Variants in ERBB4 observed in about 807,000 individuals in gnomAD.
ERBB4 encodes erb-b2 receptor tyrosine kinase 4, also known as receptor tyrosine-protein kinase erbB-4.
Under a neutral mutation model 158.0 loss-of-function variants are expected in ERBB4, and 42 were observed. The ratio of observed to expected loss-of-function variants is 0.27; its 90% CI spans 0.21 to 0.34. The LOEUF (loss-of-function observed/expected upper bound fraction) is 0.34. ERBB4 is among the 10% of genes least tolerant of loss of function. The pLI, the probability that ERBB4 is intolerant of heterozygous loss-of-function variation, is 1.00. For missense variants in ERBB4, 1,333 were observed against 1,624.1 expected, an observed-to-expected ratio of 0.82 and a Z score of 3.08; for synonymous variants, 583 against 558.7, an observed-to-expected ratio of 1.04 and a Z score of -0.61.
chr2:212,099,736 G>GTTTTTTTTTTTTTTTTTTT (rs3037296), intron 2 of ERBB4, among the ~76,000 whole-genome samples: 1 of 144,600 alleles, frequency 6.9e-6, no homozygotes, highest in Non-Finnish European at 1.5e-5. Context: ...TTGTTTTACA[G>GTTTTTTTTTTTTTTTTTTT]TTTTTTTTTT....
chr2:211,752,406 C>T (rs2075157787), intron 4 of ERBB4, among the ~76,000 whole-genome samples: 1 of 149,692 alleles, frequency 6.7e-6, no homozygotes, highest in Admixed American at 6.7e-5. Context: ...GATAATCTAC[C>T]ATTTAATCTA....
At chr2:211,878,013 A>T (rs1287044553) in intron 3 of ERBB4, among the ~76,000 whole-genome samples, 5 of 152,036 alleles carry the variant, frequency 3.3e-5, no homozygotes, top group Non-Finnish European at 7.4e-5. Context: ...GAGGCTGAGG[A>T]AGCAGAATAT....
intron 1 of ERBB4, among the ~76,000 whole-genome samples, chr2:212,516,352 G>A (rs1046367698): frequency 3.9e-5 from 6 of 151,962 alleles, no homozygotes; most frequent in Non-Finnish European, 8.8e-5. Context: ...AATAAATCCA[G>A]TATAAGAACT....
intron 5 of ERBB4, among the ~76,000 whole-genome samples, chr2:211,745,723 A>AT (rs1553623582): frequency 7.4e-6 from 1 of 134,280 alleles, no homozygotes; most frequent in South Asian, 2.5e-4. Flanking sequence ...CAGAAAAAAA[A>AT]CAAAAACAAA....
At chr2:212,517,064 A>G (rs1454103221) in intron 1 of ERBB4, among the ~76,000 whole-genome samples, 8 of 152,170 alleles carry the variant, frequency 5.3e-5, no homozygotes, top group Non-Finnish European at 1.2e-4. Flanking sequence ...TCAAAGTCTT[A>G]GAATAAAATA....
chr2:211,805,594 C>G (rs2076595515), intron 3 of ERBB4, among the ~76,000 whole-genome samples: 1 of 152,180 alleles, frequency 6.6e-6, no homozygotes, highest in African/African-American at 2.4e-5. Flanking sequence ...TGCCAGAAAA[C>G]AGCACTGTGT....
At position 211,986,228 on chromosome 2, in the gene ERBB4, T is replaced by C. The variant is rs533450040; in HGVS notation, c.235-38612A>G. 4.6e-5 allele frequency among the ~76,000 whole-genome samples: 7 copies of C among 152,324 alleles called. No homozygotes were observed. The South Asian group carries it at 1.4e-3, about 32-fold the overall frequency. On this transcript the variant is annotated intron_variant, in intron 2 of 27. Transcript: ENST00000342788. ...CCAATCCTGCATGACTCCTTGATGT[T>C]GGACTTCCAGTCTTCAGAACTGAGA...
intron 3 of ERBB4, among the ~76,000 whole-genome samples, chr2:211,840,722 C>T (rs562760384): frequency 1.5e-3 from 231 of 152,088 alleles, no homozygotes; most frequent in African/African-American, 5.2e-3. Context: ...AAGAAGTTGA[C>T]AGAAATTCAA....
intron 4 of ERBB4, among the ~76,000 whole-genome samples, chr2:211,753,299 C>T (rs1352928769): frequency 6.6e-6 from 1 of 151,268 alleles, no homozygotes; most frequent in African/African-American, 2.4e-5. Context: ...AACAAAATTT[C>T]CTATAAGCAT....
intron 4 of ERBB4, among the ~76,000 whole-genome samples, chr2:211,774,175 C>G (rs548136023): frequency 6.6e-6 from 1 of 151,648 alleles, no homozygotes; most frequent in South Asian, 2.1e-4. Flanking sequence ...TGGGTTCAAA[C>G]GATTCTTCCA....
intron 25 of ERBB4, among the ~76,000 whole-genome samples, chr2:211,391,447 T>G (rs1203712530): frequency 6.6e-6 from 1 of 152,170 alleles, no homozygotes; most frequent in South Asian, 2.1e-4. Context: ...ATCTGTTCAA[T>G]TAGCTGGTGA....
chr2:212,394,024 A>G (rs1039233159), intron 1 of ERBB4, among the ~76,000 whole-genome samples: 1 of 152,154 alleles, frequency 6.6e-6, no homozygotes, highest in African/African-American at 2.4e-5. Flanking sequence ...TGTGGTATAG[A>G]ATCCACTTGC....
intron 1 of ERBB4, among the ~76,000 whole-genome samples, chr2:212,142,800 T>C (rs1422506561): frequency 6.6e-6 from 1 of 151,820 alleles, no homozygotes; most frequent in Non-Finnish European, 1.5e-5. Context: ...TCCACCTTTA[T>C]GGAAAGGACT....
At chr2:212,490,656 C>A (rs1690224197) in intron 1 of ERBB4, among the ~76,000 whole-genome samples, 1 of 151,790 alleles carries the variant, frequency 6.6e-6, no homozygotes, top group Non-Finnish European at 1.5e-5. Flanking sequence ...TAAATTTGAT[C>A]TGCACATTTG....
chr2:211,673,332 A>G (rs1407747654), intron 13 of ERBB4, 75 bp from the exon 14 acceptor site: 1 of 1,033,394 alleles, frequency 9.7e-7, no homozygotes, highest in Non-Finnish European at 1.5e-6. Context: ...ACATCTGCTA[A>G]AAGTCCTATT....
intron 16 of ERBB4, among the ~76,000 whole-genome samples, chr2:211,637,039 C>G (rs2070388330): frequency 6.6e-6 from 1 of 151,890 alleles, no homozygotes; most frequent in South Asian, 2.1e-4. Context: ...ATTTCACAAA[C>G]TAGGGTCAAA....
chr2:212,180,397 A>G (rs1266731645), intron 1 of ERBB4, among the ~76,000 whole-genome samples: 1 of 151,700 alleles, frequency 6.6e-6, no homozygotes, highest in Non-Finnish European at 1.5e-5. Context: ...GTCAGAAACA[A>G]GTCCACTTAG....
intron 3 of ERBB4, among the ~76,000 whole-genome samples, chr2:211,804,062 T>C (rs2076558818): frequency 6.6e-6 from 1 of 152,204 alleles, no homozygotes; most frequent in South Asian, 2.1e-4. Flanking sequence ...GCTGCAGACA[T>C]GTCACCCCAG....
chr2:211,879,983 T>G (rs1215925547), intron 3 of ERBB4, among the ~76,000 whole-genome samples: 1 of 150,418 alleles, frequency 6.6e-6, no homozygotes, highest in African/African-American at 2.4e-5. Context: ...TAATATATAT[T>G]AACAAAAATA....
Sources: gnomAD v4.1 joint callset for allele counts (sites outside exome capture counted in the v4.1 genomes callset) on GRCh38, gnomAD v4.1.1 for gene constraint, MANE v1.5 for transcripts, NCBI Gene and HGNC (gene_info 2026-07-23, HGNC 2026-07-21) for gene names.